Variants in LIN9 observed in about 807,000 individuals in gnomAD.
LIN9 encodes protein lin-9 homolog.
LIN9 carries 18 observed loss-of-function variants against 78.0 expected under a neutral mutation model. The observed-to-expected ratio is 0.23, with a 90% CI of 0.16 to 0.34. The LOEUF (loss-of-function observed/expected upper bound fraction) is 0.34, where lower values mean the gene tolerates loss of function less well. Ranked by LOEUF, LIN9 falls within the 10% of genes least tolerant of loss-of-function variation. The probability of loss-of-function intolerance (pLI) is 1.00; values close to 1 mark genes in which losing one functional copy is unlikely to be tolerated. For synonymous variants in LIN9, 192 were observed against 215.2 expected, an observed-to-expected ratio of 0.89 and a Z score of 0.94; for missense variants, 451 against 644.1, an observed-to-expected ratio of 0.70 and a Z score of 3.25.
chr1:226,251,517 G>A (rs549971937), intron 10 of LIN9, among the ~76,000 whole-genome samples: 2 of 151,866 alleles, frequency 1.3e-5, no homozygotes, highest in Non-Finnish European at 2.9e-5. Flanking sequence ...CATGAGCCAG[G>A]GCACCCAACC....
At chr1:226,252,830 G>A (rs1011067635) in intron 10 of LIN9, among the ~76,000 whole-genome samples, 1 of 152,104 alleles carries the variant, frequency 6.6e-6, no homozygotes, top group Non-Finnish European at 1.5e-5. Context: ...AGCAGTGCGT[G>A]GTGGTGGACA....
chr1:226,303,540 G>C (rs185806464), intron 1 of LIN9, among the ~76,000 whole-genome samples: 3 of 152,156 alleles, frequency 2.0e-5, no homozygotes, highest in African/African-American at 7.2e-5. Context: ...CTCCACGAAG[G>C]CAGGAACCAT....
chr1:226,266,436 T>C (rs1452709329), intron 8 of LIN9, 104 bp from the exon 9 acceptor site: 3 of 849,280 alleles, frequency 3.5e-6, no homozygotes, highest in East Asian at 3.2e-5. Context: ...GCATATTCTA[T>C]GATTCATATA....
At chr1:226,279,173 A>T (rs1351472940) in intron 6 of LIN9, among the ~76,000 whole-genome samples, 2 of 151,566 alleles carry the variant, frequency 1.3e-5, no homozygotes, top group Non-Finnish European at 2.9e-5. Context: ...GGGAAAAAAA[A>T]ATTGTTTCTT....
intron 8 of LIN9, 130 bp downstream of exon 8, chr1:226,267,827 G>T: frequency 1.1e-6 from 1 of 924,948 alleles, no homozygotes; most frequent in Non-Finnish European, 1.6e-6. Context: ...GATAGGGCTG[G>T]GGTCCCCTAA....
chr1:226,307,350 A>C (rs766870829), intron 1 of LIN9, among the ~76,000 whole-genome samples: 1 of 152,236 alleles, frequency 6.6e-6, no homozygotes, highest in Non-Finnish European at 1.5e-5. Context: ...GTCACAATCA[A>C]GACCAGCTGC....
At chr1:226,272,655 T>C (rs933445786) in intron 7 of LIN9, among the ~76,000 whole-genome samples, 3 of 151,724 alleles carry the variant, frequency 2.0e-5, no homozygotes, top group Admixed American at 6.6e-5. Context: ...TAATGTCCCC[T>C]GGAATGTGTC....
intron 8 of LIN9, 125 bp from the exon 9 acceptor site, chr1:226,266,457 C>T: frequency 1.7e-6 from 1 of 602,522 alleles, no homozygotes; most frequent in East Asian, 4.0e-5. Flanking sequence ...GAATTTATTA[C>T]TTATATATTT....
chr1:226,232,680 A>C, intron 14 of LIN9, 74 bp from the exon 15 acceptor site: 2 of 791,604 alleles, frequency 2.5e-6, no homozygotes, highest in Non-Finnish European at 4.1e-6. Context: ...AGAAGACCTG[A>C]ATTTTAGTTA....
intron 6 of LIN9, among the ~76,000 whole-genome samples, chr1:226,281,639 GAC>G (rs1209819201): frequency 1.3e-5 from 2 of 151,178 alleles, no homozygotes; most frequent in African/African-American, 2.4e-5. Flanking sequence ...AAGTCTTCTT[GAC>G]ATAAGAACCC....
chr1:226,258,662 G>A (rs568575228), intron 10 of LIN9, among the ~76,000 whole-genome samples: 47 of 151,480 alleles, frequency 3.1e-4, no homozygotes, highest in African/African-American at 9.7e-4. Context: ...AGGCTGATGC[G>A]AGCGGATCAC....
At chr1:226,307,994 T>G (rs1383152599) in intron 1 of LIN9, among the ~76,000 whole-genome samples, 3 of 152,206 alleles carry the variant, frequency 2.0e-5, no homozygotes, top group African/African-American at 7.2e-5. Context: ...ATTTTTAACT[T>G]TATAACTTAC....
intron 2 of LIN9, among the ~76,000 whole-genome samples, chr1:226,299,223 G>C (rs931974349): frequency 5.3e-5 from 8 of 152,096 alleles, no homozygotes; most frequent in African/African-American, 1.9e-4. Flanking sequence ...ATGAATGAGT[G>C]CCGGGTGCAG....
intron 7 of LIN9, among the ~76,000 whole-genome samples, chr1:226,271,584 T>C (rs1009092585): frequency 6.6e-6 from 1 of 152,216 alleles, no homozygotes; most frequent in Admixed American, 6.5e-5. Context: ...CTAAACATAT[T>C]ATTTAGATCA....
chr1:226,299,330 C>T (rs550668135), intron 2 of LIN9, among the ~76,000 whole-genome samples: 27 of 151,790 alleles, frequency 1.8e-4, no homozygotes, highest in Admixed American at 1.4e-3. Flanking sequence ...ATGATGAAAA[C>T]CCATCTCTAT....
chr1:226,266,011 C>A (rs1659884207), intron 9 of LIN9, among the ~76,000 whole-genome samples: 1 of 151,924 alleles, frequency 6.6e-6, no homozygotes, highest in South Asian at 2.1e-4. Flanking sequence ...AGAGAAAATT[C>A]TGTTATAATT....
intron 11 of LIN9, among the ~76,000 whole-genome samples, chr1:226,244,496 A>C (rs543774739): frequency 8.5e-5 from 13 of 152,292 alleles, no homozygotes; most frequent in African/African-American, 3.1e-4. Flanking sequence ...TTGTATGAAT[A>C]AGGTGAGGCA....
At chr1:226,264,106 G>C (rs1482334159) in intron 10 of LIN9, among the ~76,000 whole-genome samples, 1 of 152,072 alleles carries the variant, frequency 6.6e-6, no homozygotes, top group Non-Finnish European at 1.5e-5. Context: ...AAATAGGCCA[G>C]GTGCAGTCGC....
At chr1:226,239,972 C>T (rs1025371800) in intron 11 of LIN9, among the ~76,000 whole-genome samples, 3 of 152,182 alleles carry the variant, frequency 2.0e-5, no homozygotes, top group Non-Finnish European at 4.4e-5. Flanking sequence ...AGCAAAATCG[C>T]TCCTTCTAGT....
Sources: gnomAD v4.1 joint callset for allele counts (sites outside exome capture counted in the v4.1 genomes callset) on GRCh38, gnomAD v4.1.1 for gene constraint, MANE v1.5 for transcripts, NCBI Gene and HGNC (gene_info 2026-07-23, HGNC 2026-07-21) for gene names.